Variants in ZNF367 observed in about 807,000 individuals in gnomAD.
ZNF367 encodes the protein zinc finger protein 367, also known as C2H2 zinc finger protein ZFF29.
ZNF367 carries 11 observed loss-of-function variants against 31.8 expected under a neutral mutation model. That is an observed-to-expected ratio of 0.35 (90% CI 0.22 to 0.57). The LOEUF is 0.57. ZNF367 is among the 20% of genes least tolerant of loss of function. The probability of loss-of-function intolerance (pLI) is 0.85; values close to 1 mark genes in which losing one functional copy is unlikely to be tolerated. For missense variants in ZNF367, 353 were observed against 484.1 expected, an observed-to-expected ratio of 0.73 and a Z score of 2.54; for synonymous variants, 199 against 202.4, an observed-to-expected ratio of 0.98 and a Z score of 0.14.
intron 4 of ZNF367, among the ~76,000 whole-genome samples, chr9:96,389,896 ATTTT>A (rs777507011): frequency 4.3e-5 from 4 of 94,032 alleles, no homozygotes; most frequent in African/African-American, 8.9e-5. Context: ...TGCCTGGCTA[ATTTT>A]TTTTTTTTTT....
chr9:96,394,425 C>T (rs2131072309), intron 3 of ZNF367, among the ~76,000 whole-genome samples: 1 of 152,282 alleles, frequency 6.6e-6, no homozygotes, highest in East Asian at 1.9e-4. Context: ...TATTTTATAG[C>T]ACACGGTGAC....
chr9:96,404,845 T>G (rs1831651820), intron 1 of ZNF367, among the ~76,000 whole-genome samples: 1 of 152,058 alleles, frequency 6.6e-6, no homozygotes, highest in Non-Finnish European at 1.5e-5. Flanking sequence ...GATATTTATT[T>G]GCAAACCATA....
intron 1 of ZNF367, among the ~76,000 whole-genome samples, chr9:96,402,968 C>A (rs1237656025): frequency 6.7e-6 from 1 of 148,760 alleles, no homozygotes; most frequent in Non-Finnish European, 1.5e-5. Context: ...AGAAATTAAA[C>A]AACACACTTT....
Position 96,417,851 on chromosome 9 carries a change from G to T in ZNF367, c.182C>A (p.Pro61His). 1 of 1,511,886 alleles carries T rather than the reference G, an allele frequency of 6.6e-7. No individual in the cohort carries two copies. The allele number at this position is 1,511,886 out of a possible 1,614,324, so 93.7% of individuals were successfully genotyped here. A position where few individuals can be genotyped will look rare whatever the true frequency, so the allele number is the denominator to read the frequency against. ...GTACACCATGAAGTCGCTGAAGCCG[G>T]GGCTGGTGGGGATGAGCGGCGGCGG... is the stretch of plus-strand genomic sequence containing the variant. ...EPPPPLIPTS[P>H]GFSDFMVYPW... is the part of the protein sequence containing the mutation. The change falls in exon 1 of 5, where the codon CCC becomes CAC. Residue 61 changes from proline to histidine, a missense_variant. Physicochemically the swap from Pro to His is moderately conservative, Grantham distance 77. Around this residue, in one of 5 missense-constraint regions of ZNF367, gnomAD observed 31 missense variants for 58.4 expected, o/e 0.53. Coordinates refer to ENST00000375256, the MANE Select transcript of ZNF367 (RefSeq NM_153695.4). The surrounding 1 kb of genome is among the most constrained non-coding windows in gnomAD (Gnocchi z 5.0).
intron 1 of ZNF367, among the ~76,000 whole-genome samples, chr9:96,412,697 CTTTT>C (rs71368258): frequency 2.2e-5 from 3 of 133,790 alleles, no homozygotes; most frequent in Admixed American, 7.5e-5. Flanking sequence ...TTTTTCTTTT[CTTTT>C]TTTTTTTTTT....
At chr9:96,407,274 G>A (rs905864014) in intron 1 of ZNF367, 12 of 1,460,592 alleles carry the variant, frequency 8.2e-6, no homozygotes, top group Admixed American at 3.4e-5. Context: ...GCGGCTCTGC[G>A]GCCGTCACCA....
intron 1 of ZNF367, among the ~76,000 whole-genome samples, chr9:96,398,583 C>T (rs1190578761): frequency 6.6e-6 from 1 of 152,134 alleles, no homozygotes; most frequent in Non-Finnish European, 1.5e-5. Flanking sequence ...AGGCAGGTAA[C>T]TCCAATGGCC....
At chr9:96,396,604 T>TATTG (rs1340382617) in intron 2 of ZNF367, among the ~76,000 whole-genome samples, 1 of 151,624 alleles carries the variant, frequency 6.6e-6, no homozygotes, top group Non-Finnish European at 1.5e-5. Context: ...TACTGCCCAA[T>TATTG]GAAAGACAAT....
Position 96,417,322 on chromosome 9 carries a change from G to T in ZNF367, c.420+291C>A, listed in dbSNP as rs1387567236. ...GAACTGAGGACTCGGCAGCCCGCCGGGAGGATGTCAGTGGCCGTTGACCCG... is the reference window on the plus strand; with the variant it reads ...GAACTGAGGACTCGGCAGCCCGCCGTGAGGATGTCAGTGGCCGTTGACCCG... On this transcript the variant is annotated intron_variant, in intron 1 of 4. Coordinates refer to ENST00000375256, the MANE Select transcript of ZNF367 (RefSeq NM_153695.4). This position sits in a 1 kb window ranked among gnomAD's most constrained non-coding sequence, Gnocchi z 5.0. Among the ~76,000 whole-genome samples the T allele has an allele frequency of 6.6e-6, 1 of 152,074 alleles. No homozygotes were observed. The highest frequency in any genetic ancestry group is 1.5e-5 in the Non-Finnish European group (1 of 67,996).
In ZNF367 at chr9:96,394,970, T is replaced by C. The variant is rs778084322; in HGVS notation, c.572-28A>G. ...AAGTAGACAGATGTTAGATATTATATCTGAGATAATAAGGCCAGAAGAGGA... is the reference window on the plus strand; with the variant it reads ...AAGTAGACAGATGTTAGATATTATACCTGAGATAATAAGGCCAGAAGAGGA... On this transcript the variant is annotated intron_variant, in intron 2 of 4. Coordinates refer to ENST00000375256, the MANE Select transcript of ZNF367 (RefSeq NM_153695.4). 3 of 1,612,396 alleles carry C rather than the reference T, an allele frequency of 1.9e-6. No individual in the cohort carries two copies. The Admixed American group carries it at 5.0e-5, about 27-fold the overall frequency.
intron 2 of ZNF367, among the ~76,000 whole-genome samples, chr9:96,397,046 AATT>A (rs1190851254): frequency 2.0e-5 from 3 of 152,200 alleles, no homozygotes; most frequent in East Asian, 1.9e-4. Flanking sequence ...CAACAGTAAA[AATT>A]ATTGTTTACT....
At chr9:96,392,124 TA>T (rs1159717190) in intron 4 of ZNF367, among the ~76,000 whole-genome samples, 1 of 152,080 alleles carries the variant, frequency 6.6e-6, no homozygotes, top group Non-Finnish European at 1.5e-5. Context: ...ATACAATACA[TA>T]TAAAACATTT....
At chr9:96,391,469 G>A (rs1831471342) in intron 4 of ZNF367, among the ~76,000 whole-genome samples, 1 of 152,096 alleles carries the variant, frequency 6.6e-6, no homozygotes, top group Non-Finnish European at 1.5e-5. Flanking sequence ...TCATACAAAG[G>A]CACCTGTGTT....
chr9:96,401,346 C>A (rs978133525), intron 1 of ZNF367, among the ~76,000 whole-genome samples: 3 of 151,840 alleles, frequency 2.0e-5, no homozygotes, highest in Non-Finnish European at 4.4e-5. Flanking sequence ...ACCAACATGG[C>A]GAAACCCTGC....
chr9:96,416,430 G>C (rs1346366387), intron 1 of ZNF367, among the ~76,000 whole-genome samples: 1 of 152,172 alleles, frequency 6.6e-6, no homozygotes, highest in Non-Finnish European at 1.5e-5. Context: ...AGTTTCAAGA[G>C]CTGAAGTGTA....
At chr9:96,398,972 A>C (rs139067469) in intron 1 of ZNF367, among the ~76,000 whole-genome samples, 39 of 152,274 alleles carry the variant, frequency 2.6e-4, no homozygotes, top group African/African-American at 9.1e-4. Flanking sequence ...TGCTCAAAAA[A>C]CTTGTAAGGC....
rs200181991 is a variant in ZNF367, at chr9:96,398,192, C to A, written c.543G>T (p.Ser181=). Residue 181 remains serine, a synonymous_variant, in exon 2 of 5, where the codon TCG becomes TCT. Coordinates refer to ENST00000375256, the MANE Select transcript of ZNF367 (RefSeq NM_153695.4). The part of the protein sequence containing the change: ...ICNRVFPREK[S]LQAHKRTHTG... ...TATGAGTCCTTTTGTGAGCCTGGAG[C>A]GATTTCTCCCGTGGAAACACCCTAT... The A allele has an allele frequency of 4.9e-5, 79 of 1,597,638 alleles. No homozygotes were observed. Among genetic ancestry groups the A allele is most frequent in the Non-Finnish European group, 5.8e-5 (68 of 1,170,376 alleles).
rs371155227 is a variant in ZNF367 at position 96,411,646 on chromosome 9, T to TA, written c.420+5966dup. ...ATTTGAAATAACTGATTAGTTAACATAAAAAAAAAAGTTAACCATATGGCT... is the reference window on the plus strand; with the variant it reads ...ATTTGAAATAACTGATTAGTTAACATAAAAAAAAAAAGTTAACCATATGGCT... On this transcript the variant is annotated intron_variant, in intron 1 of 4. Transcript: ENST00000375256. 1.1e-3 allele frequency among the ~76,000 whole-genome samples: 159 copies of TA among 149,078 alleles called. 1 individual carries two copies. The highest frequency in any genetic ancestry group is 8.5e-4 in the South Asian group (4 of 4,696).
At chr9:96,401,677 A>T (rs1587745110) in intron 1 of ZNF367, among the ~76,000 whole-genome samples, 1 of 150,840 alleles carries the variant, frequency 6.6e-6, no homozygotes, top group East Asian at 2.0e-4. Context: ...AAAAAAAAAA[A>T]ATTAGCCAGG....
Sources: gnomAD v4.1 joint callset for allele counts (sites outside exome capture counted in the v4.1 genomes callset) on GRCh38, gnomAD v4.1.1 for gene constraint, gnomAD v4.1.1 regional missense constraint, Gnocchi (gnomAD v3.1) non-coding constraint, MANE v1.5 for transcripts, NCBI Gene and HGNC (gene_info 2026-07-23, HGNC 2026-07-21) for gene names.